STX12: variants seen among roughly 807,000 people sequenced by gnomAD.
The protein encoded by STX12 is syntaxin 12.
STX12 carries 17 observed loss-of-function variants against 42.2 expected under a neutral mutation model. The ratio of observed to expected loss-of-function variants is 0.40; its 90% CI spans 0.28 to 0.60. The LOEUF is 0.60. Ranked by LOEUF, STX12 falls within the 20% of genes least tolerant of loss-of-function variation. The probability of loss-of-function intolerance (pLI) is 0.39; values close to 1 mark genes in which losing one functional copy is unlikely to be tolerated. For synonymous variants in STX12, 108 were observed against 116.7 expected (o/e 0.93, Z 0.48); for missense variants, 297 against 330.9 (o/e 0.90, Z 0.79).
chr1:27,789,177 A>G (rs532004409), intron 1 of STX12, among the ~76,000 whole-genome samples: 2 of 152,306 alleles, frequency 1.3e-5, no homozygotes, highest in South Asian at 4.1e-4. Flanking sequence ...TCTTTCCAAA[A>G]ATGTTTGCTA....
At chr1:27,820,024 A>G (rs183290605) in intron 8 of STX12, 201 of 230,226 alleles carry the variant, frequency 8.7e-4, no homozygotes, top group African/African-American at 4.2e-3. Context: ...GAACAGCTGA[A>G]TGTATTTCAA....
intron 6 of STX12, among the ~76,000 whole-genome samples, chr1:27,814,483 G>A (rs1173557454): frequency 2.6e-5 from 4 of 152,072 alleles, no homozygotes; most frequent in African/African-American, 9.7e-5. Flanking sequence ...AGCCATGATC[G>A]TGCCACTGCA....
chr1:27,794,719 C>T (rs2088772826), intron 3 of STX12, among the ~76,000 whole-genome samples: 1 of 151,968 alleles, frequency 6.6e-6, no homozygotes, highest in African/African-American at 2.4e-5. Flanking sequence ...ACTTGTATTG[C>T]TTTTTAAATT....
At chr1:27,774,462 T>G (rs188862269) in intron 1 of STX12, among the ~76,000 whole-genome samples, 3 of 152,356 alleles carry the variant, frequency 2.0e-5, no homozygotes, top group Admixed American at 2.0e-4. Flanking sequence ...TAGTTAGTCC[T>G]GAATTACAAT....
chr1:27,817,698 G>A (rs1032062052), intron 6 of STX12, among the ~76,000 whole-genome samples, 153 bp from the exon 7 acceptor site: 6 of 152,190 alleles, frequency 3.9e-5, no homozygotes, highest in Admixed American at 3.3e-4. Context: ...ATATTGGGTA[G>A]GCAGCAATAG....
intron 3 of STX12, among the ~76,000 whole-genome samples, chr1:27,798,970 A>G (rs1220297506): frequency 2.0e-5 from 3 of 151,882 alleles, no homozygotes; most frequent in Non-Finnish European, 4.4e-5. Context: ...AAAAAAAACA[A>G]AAACATAATT....
At chr1:27,801,877 G>GT (rs1449983678) in intron 4 of STX12, 62 bp downstream of exon 4, 4 of 1,535,870 alleles carry the variant, frequency 2.6e-6, no homozygotes, top group Non-Finnish European at 3.5e-6. Context: ...AAGTTTGTGG[G>GT]TTTTTTTCTT....
chr1:27,813,533 G>A (rs2088918869), intron 6 of STX12, among the ~76,000 whole-genome samples: 1 of 152,172 alleles, frequency 6.6e-6, no homozygotes, highest in East Asian at 1.9e-4. Flanking sequence ...GTAGAAGGCT[G>A]CCATTGCTGG....
At chr1:27,780,272 C>T (rs1315196504) in intron 1 of STX12, among the ~76,000 whole-genome samples, 5 of 136,372 alleles carry the variant, frequency 3.7e-5, no homozygotes, top group South Asian at 4.4e-4. Flanking sequence ...TGCAGTGGGG[C>T]GATCAGGCTC....
chr1:27,823,242 T>C lies in STX12; in HGVS notation c.*913T>C, dbSNP rs1419866611. The C allele has an allele frequency of 1.3e-5, 2 of 152,192 alleles. No individual in the cohort carries two copies. Among genetic ancestry groups the C allele is most frequent in the African/African-American group, 2.4e-5 (1 of 41,422 alleles). The allele number at this position is 152,192 out of a possible 1,614,324, so 9.4% of individuals were successfully genotyped here. A position where few individuals can be genotyped will look rare whatever the true frequency, so the allele number is the denominator to read the frequency against. Reference sequence around the variant, plus strand: ...GCTGTCAAAGGGCTGCCCCCTACCTTATAAGGGTTGCTGGGCATTTGAAGG... The same window carrying C: ...GCTGTCAAAGGGCTGCCCCCTACCTCATAAGGGTTGCTGGGCATTTGAAGG... On this transcript the variant is annotated 3_prime_UTR_variant, in exon 9 of 9. Transcript: ENST00000373943.
chr1:27,775,398 A>G (rs1273216532), intron 1 of STX12, among the ~76,000 whole-genome samples: 1 of 152,096 alleles, frequency 6.6e-6, no homozygotes, highest in Non-Finnish European at 1.5e-5. Context: ...CAGCCCTACA[A>G]GTAGCTGGGA....
At chr1:27,788,243 A>G (rs1045929429) in intron 1 of STX12, among the ~76,000 whole-genome samples, 3 of 152,250 alleles carry the variant, frequency 2.0e-5, no homozygotes, top group African/African-American at 7.2e-5. Context: ...AAGAAATCAT[A>G]TAACTAACTT....
Position 27,818,088 on chromosome 1 carries a change from G to GAA in STX12, c.649+169_649+170dup, listed in dbSNP as rs948901660. 4.5e-5 allele frequency: 27 copies of GAA among 605,336 alleles called. No individual in the cohort carries two copies. The Admixed American group carries it at 6.9e-4, about 15-fold the overall frequency. The allele number at this position is 605,336 out of a possible 1,614,324, so 37.5% of individuals were successfully genotyped here. On this transcript the variant is annotated intron_variant, in intron 7 of 8. Coordinates refer to ENST00000373943, the MANE Select transcript of STX12 (RefSeq NM_177424.3). ...GTCTCTTAAAAAAGAAAGAAAGAAA[G>GAA]AAAAAGGAGTTAGGCTAGGCGTGGT...
Position 27,782,566 on chromosome 1 carries a change from G to A in STX12, c.119-6996G>A, listed in dbSNP as rs1418265259. Among the ~76,000 whole-genome samples, 7 of 152,092 alleles carry A rather than the reference G, an allele frequency of 4.6e-5. No homozygotes were observed. In the East Asian group the frequency reaches 1.2e-3, roughly 25 times the overall value. ...TTTTTAAAGTCAGGTTGATGGACAC[G>A]GTGACTCACACCTGTAATTCCAGCA... is the stretch of plus-strand genomic sequence containing the variant. On this transcript the variant is annotated intron_variant, in intron 1 of 8. Transcript: ENST00000373943.
At chr1:27,788,196 A>G (rs1318781771) in intron 1 of STX12, among the ~76,000 whole-genome samples, 4 of 152,210 alleles carry the variant, frequency 2.6e-5, no homozygotes, top group African/African-American at 9.7e-5. Context: ...CTTGTAATAG[A>G]AGACAGTGAA....
chr1:27,783,376 C>T (rs1038993402), intron 1 of STX12, among the ~76,000 whole-genome samples: 11 of 152,024 alleles, frequency 7.2e-5, no homozygotes, highest in Non-Finnish European at 1.0e-4. Flanking sequence ...GCTCTGTTGC[C>T]GAGGCTGGAG....
chr1:27,820,372 G>A (rs1406685775), intron 8 of STX12: 1 of 152,050 alleles, frequency 6.6e-6, no homozygotes, highest in Non-Finnish European at 1.5e-5. Context: ...TTTTTTTCTT[G>A]TAAATTTGTT....
intron 4 of STX12, chr1:27,802,118 C>A: frequency 5.5e-6 from 1 of 182,872 alleles, no homozygotes; most frequent in Non-Finnish European, 1.1e-5. Context: ...TGGAATATAA[C>A]AGGCTAGTTT....
chr1:27,773,242 G>A lies in STX12; in HGVS notation c.-66G>A, dbSNP rs1182819325. 16 of 1,077,636 alleles carry A rather than the reference G, an allele frequency of 1.5e-5. No individual in the cohort carries two copies. Among genetic ancestry groups the A allele is most frequent in the South Asian group, 4.1e-5 (3 of 73,586 alleles). 66.8% of individuals were successfully genotyped at this position (1,077,636 alleles called of 1,614,324 possible). A position where few individuals can be genotyped will look rare whatever the true frequency, so the allele number is the denominator to read the frequency against. On this transcript the variant is annotated 5_prime_UTR_variant, in exon 1 of 9. Coordinates refer to ENST00000373943, the MANE Select transcript of STX12 (RefSeq NM_177424.3). ...TTCCCAGTTTCTCCGTCAGCCTGCG[G>A]GTCCCGGCTGGCGGCTGCTTCCGGT...
Sources: allele counts gnomAD v4.1 joint callset (sites outside exome capture counted in the v4.1 genomes callset), GRCh38; gene constraint gnomAD v4.1.1; transcripts MANE v1.5; gene names NCBI Gene and HGNC (gene_info 2026-07-23, HGNC 2026-07-21).